Variants in STAT4 observed in about 807,000 individuals in gnomAD.
The protein encoded by STAT4 is signal transducer and activator of transcription 4.
Under a neutral mutation model 110.5 loss-of-function variants are expected in STAT4, and 42 were observed. The observed-to-expected ratio is 0.38, with a 90% CI of 0.30 to 0.49. STAT4 has a LOEUF of 0.49. Among genes scored for constraint, STAT4 ranks in the 20% least tolerant of loss-of-function variants. STAT4 has a pLI of 0.95. For missense variants in STAT4, 632 were observed against 887.9 expected, an observed-to-expected ratio of 0.71 and a Z score of 3.66; for synonymous variants, 284 against 302.2, an observed-to-expected ratio of 0.94 and a Z score of 0.63.
Position 191,033,697 on chromosome 2 carries a change from A to G in STAT4, c.1716-71T>C. The G allele has an allele frequency of 6.4e-7, 1 of 1,569,252 alleles. No individual in the cohort carries two copies. Among genetic ancestry groups the G allele is most frequent in the Non-Finnish European group, 8.6e-7 (1 of 1,159,092 alleles). ...TCACTTATTGCATTTACAAAGACCT[A>G]CAGTTTGTTTTGAGTGTAATCAAAA... On this transcript the variant is annotated intron_variant, in intron 19 of 23. Coordinates refer to ENST00000392320, the MANE Select transcript of STAT4 (RefSeq NM_003151.4). The surrounding 1 kb of genome is among the most constrained non-coding windows in gnomAD (Gnocchi z 6.9).
At chr2:191,105,916 C>T (rs1402862971) in intron 3 of STAT4, among the ~76,000 whole-genome samples, 1 of 152,120 alleles carries the variant, frequency 6.6e-6, no homozygotes, top group African/African-American at 2.4e-5. Flanking sequence ...AGTTCTGTAG[C>T]GTGTTGGCAT....
intron 3 of STAT4, chr2:191,131,830 G>A (rs773984884): frequency 9.0e-6 from 13 of 1,440,880 alleles, no homozygotes; most frequent in Non-Finnish European, 1.2e-5. Flanking sequence ...CTAGGGACAA[G>A]ATTTGGACCT....
At position 191,082,064 on chromosome 2, in the gene STAT4, C is replaced by G. The variant is rs1281709610; in HGVS notation, c.274-5739G>C. ...CTTATTGTGCTGAGATTTCTTTCAT[C>G]TATTATGAGGAATTTGGCAATTTCT... On this transcript the variant is annotated intron_variant, in intron 3 of 23. Transcript: ENST00000392320. This position sits in a 1 kb window ranked among gnomAD's most constrained non-coding sequence, Gnocchi z 4.7. Among the ~76,000 whole-genome samples the G allele has an allele frequency of 2.6e-5, 4 of 152,176 alleles. No homozygotes were observed. The highest frequency in any genetic ancestry group is 6.6e-5 in the Admixed American group (1 of 15,262).
upstream of STAT4, chr2:191,151,165 C>A: frequency 1.0e-6 from 1 of 985,590 alleles, no homozygotes; most frequent in Non-Finnish European, 1.2e-6. This position sits in a 1 kb window ranked among gnomAD's most constrained non-coding sequence, Gnocchi z 4.7. Context: ...CACGCAGAAA[C>A]TGCCAGGCTG....
chr2:191,129,818 C>A (rs1184834873), intron 3 of STAT4, among the ~76,000 whole-genome samples: 1 of 152,216 alleles, frequency 6.6e-6, no homozygotes, highest in Non-Finnish European at 1.5e-5. Flanking sequence ...TCTCTTTGAC[C>A]TCATCACCCT....
chr2:191,109,396 C>T (rs1027858327), intron 3 of STAT4, among the ~76,000 whole-genome samples: 2 of 152,006 alleles, frequency 1.3e-5, no homozygotes, highest in Non-Finnish European at 2.9e-5. Context: ...GGCATTCACT[C>T]AGCAAATATC....
chr2:191,076,298 C>T lies in STAT4; in HGVS notation c.301G>A (p.Val101Ile), dbSNP rs1196585329. The T allele has an allele frequency of 1.2e-6, 2 of 1,606,594 alleles. No individual in the cohort carries two copies. Among genetic ancestry groups the T allele is most frequent in the Non-Finnish European group, 1.7e-6 (2 of 1,177,260 alleles). The change falls in exon 4 of 24, where the codon GTA (valine) becomes ATA (isoleucine). Residue 101 changes from valine to isoleucine, a missense_variant. Val to Ile is a conservative substitution (Grantham distance 29). Transcript: ENST00000392320. ...AAACAGTTTGAAATAACCACAGCTA[C>T]ATGCATTGGATTTCCATGAAATTTT... ...QGKFHGNPMH[V>I]AVVISNCLRE...
intron 3 of STAT4, among the ~76,000 whole-genome samples, chr2:191,136,628 T>C (rs1255153192): frequency 6.6e-6 from 1 of 152,158 alleles, no homozygotes; most frequent in Non-Finnish European, 1.5e-5. Context: ...GGCATGTGCC[T>C]GTATCCCAGC....
rs115862660 is a variant in STAT4, at chr2:191,128,709, T to G, written c.273+17904A>C. Among the ~76,000 whole-genome samples the G allele has an allele frequency of 4.5e-3, 681 of 152,276 alleles. 4 individuals are homozygous for G. Among genetic ancestry groups the G allele is most frequent in the South Asian group, 9.3e-3 (45 of 4,826 alleles). On this transcript the variant is annotated intron_variant, in intron 3 of 23. Transcript: ENST00000392320. ...AGGTGCAGGTGACACCCATGCCCCCTCACTCACTGAGTTTAAAACTCTCAC... is the reference window on the plus strand; with the variant it reads ...AGGTGCAGGTGACACCCATGCCCCCGCACTCACTGAGTTTAAAACTCTCAC...
rs1313290766 is a variant in STAT4 at position 191,051,028 on chromosome 2, G to T, written c.1251+3462C>A. ...AAGTAGAATGGAGCGACCCAAAATT[G>T]TGTGTGTGCGTGTGGGTGTGTGTGT... On this transcript the variant is annotated intron_variant, in intron 14 of 23. Coordinates refer to ENST00000392320, the MANE Select transcript of STAT4 (RefSeq NM_003151.4). This position sits in a 1 kb window ranked among gnomAD's most constrained non-coding sequence, Gnocchi z 5.6. Among the ~76,000 whole-genome samples, 3 of 152,118 alleles carry T rather than the reference G, an allele frequency of 2.0e-5. No homozygotes were observed. The highest frequency in any genetic ancestry group is 1.5e-5 in the Non-Finnish European group (1 of 67,978).
rs528829761 is a variant in STAT4, at chr2:191,104,497, A to C, written c.274-28172T>G. Among the ~76,000 whole-genome samples the C allele has an allele frequency of 1.2e-3, 186 of 152,332 alleles. 1 individual carries two copies. Among genetic ancestry groups the C allele is most frequent in the Non-Finnish European group, 1.3e-4 (9 of 68,032 alleles). On this transcript the variant is annotated intron_variant, in intron 3 of 23. Coordinates refer to ENST00000392320, the MANE Select transcript of STAT4 (RefSeq NM_003151.4). This position sits in a 1 kb window ranked among gnomAD's most constrained non-coding sequence, Gnocchi z 4.3. ...ATATGTGAAGAAGATTTTGCCACACAGACTCACACTGTGTTTTTAAATTTG... is the reference window on the plus strand; with the variant it reads ...ATATGTGAAGAAGATTTTGCCACACCGACTCACACTGTGTTTTTAAATTTG...
At chr2:191,085,253 T>TA (rs1697606391) in intron 3 of STAT4, among the ~76,000 whole-genome samples, 1 of 152,018 alleles carries the variant, frequency 6.6e-6, no homozygotes, top group South Asian at 2.1e-4. Context: ...ATGAAGTATT[T>TA]AAAACCTTTC....
rs1559090055 is a variant in STAT4, at chr2:191,150,621, A to G, written c.-2+326T>C. Among the ~76,000 whole-genome samples, 1 of 152,218 alleles carries G rather than the reference A, an allele frequency of 6.6e-6. No homozygotes were observed. The highest frequency in any genetic ancestry group is 1.5e-5 in the Non-Finnish European group (1 of 68,042). ...AAGTCAGACATCACAGCTCTAGAGA[A>G]GCTGGCTAAGAAAGTGAAGAGGGGC... On this transcript the variant is annotated intron_variant, in intron 1 of 23. Coordinates refer to ENST00000392320, the MANE Select transcript of STAT4 (RefSeq NM_003151.4). The surrounding 1 kb of genome is among the most constrained non-coding windows in gnomAD (Gnocchi z 6.4).
chr2:191,034,582 C>T lies in STAT4; in HGVS notation c.1586G>A (p.Ser529Asn), dbSNP rs760335389. 44 of 1,613,398 alleles carry T rather than the reference C, an allele frequency of 2.7e-5. No homozygotes were observed. The highest frequency in any genetic ancestry group is 3.7e-5 in the Non-Finnish European group (44 of 1,179,500). ...CTTGGCCCAGGTGAGGTGACCATCA[C>T]TGTAGCTAGATTGGACTGAAATGAA... ...AEKLTVQSSY[S>N]DGHLTWAKFC... is the part of the protein sequence containing the mutation. The change falls in exon 18 of 24, where the codon AGT becomes AAT. Residue 529 changes from serine to asparagine, a missense_variant. This residue lies in a region of STAT4 where 488 missense variants were observed against 632.8 expected (regional missense o/e 0.77). Transcript: ENST00000392320.
rs148835196 is a variant in STAT4 at position 191,146,392 on chromosome 2, T to C, written c.273+221A>G. The stretch of plus-strand genomic sequence containing the variant: ...CATGCAAGTCCCACATGCAACACAC[T>C]TGTAATGTATTTTATACACTATACT... On this transcript the variant is annotated intron_variant, in intron 3 of 23. Coordinates refer to ENST00000392320, the MANE Select transcript of STAT4 (RefSeq NM_003151.4). The surrounding 1 kb of genome is among the most constrained non-coding windows in gnomAD (Gnocchi z 4.5). Among the ~76,000 whole-genome samples the C allele has an allele frequency of 1.4e-4, 22 of 152,278 alleles. No homozygotes were observed. In the East Asian group the frequency reaches 3.1e-3, roughly 21 times the overall value.
chr2:191,094,025 G>T (rs1697886227), intron 3 of STAT4, among the ~76,000 whole-genome samples: 1 of 152,162 alleles, frequency 6.6e-6, no homozygotes, highest in South Asian at 2.1e-4. Context: ...AAAGCAAGAA[G>T]AGAAGTTTAG....
chr2:191,133,992 C>T (rs1699112570), intron 3 of STAT4, among the ~76,000 whole-genome samples: 1 of 152,164 alleles, frequency 6.6e-6, no homozygotes, highest in Admixed American at 6.5e-5. Context: ...GTGAAAGAAG[C>T]CAGTCTAAGA....
In STAT4 at chr2:191,032,568, A is replaced by AAT. The variant is rs1325987023; in HGVS notation, c.2044+388_2044+389dup. 6.6e-6 allele frequency among the ~76,000 whole-genome samples: 1 copy of AAT among 152,200 alleles called. No homozygotes were observed. The highest frequency in any genetic ancestry group is 1.5e-5 in the Non-Finnish European group (1 of 68,032). On this transcript the variant is annotated intron_variant, in intron 21 of 23. Coordinates refer to ENST00000392320, the MANE Select transcript of STAT4 (RefSeq NM_003151.4). The surrounding 1 kb of genome is among the most constrained non-coding windows in gnomAD (Gnocchi z 4.9). ...CTTATAAACCCTGGGGTTCCTTTGC[A>AAT]ATATACAGACTTGTTTTACTATTAA... is the stretch of plus-strand genomic sequence containing the variant.
At chr2:191,084,870 T>G (rs1017558130) in intron 3 of STAT4, among the ~76,000 whole-genome samples, 6 of 151,934 alleles carry the variant, frequency 3.9e-5, no homozygotes, top group Non-Finnish European at 8.8e-5. Context: ...ATATAAAAAG[T>G]TTATGAAAAT....
Sources: allele counts gnomAD v4.1 joint callset (sites outside exome capture counted in the v4.1 genomes callset), GRCh38; gene constraint gnomAD v4.1.1; regional missense constraint gnomAD v4.1.1; non-coding constraint Gnocchi (gnomAD v3.1); transcripts MANE v1.5; gene names NCBI Gene and HGNC (gene_info 2026-07-23, HGNC 2026-07-21).